The following FBXO8 variants were observed in gnomAD, a reference collection of about 807,000 sequenced individuals.
The protein encoded by FBXO8 is F-box protein 8, also known as F-box only protein 8.
In FBXO8, 15 loss-of-function variants were observed where a neutral mutation model predicts 33.4. The observed-to-expected ratio is 0.45, with a 90% CI of 0.30 to 0.69. FBXO8 has a LOEUF of 0.69. Among genes scored for constraint, FBXO8 ranks in the 30% least tolerant of loss-of-function variants. The probability of loss-of-function intolerance (pLI) is 0.08; values close to 1 mark genes in which losing one functional copy is unlikely to be tolerated. For missense variants in FBXO8, 274 were observed against 380.3 expected, an observed-to-expected ratio of 0.72 and a Z score of 2.32; for synonymous variants, 132 against 131.5, an observed-to-expected ratio of 1.00 and a Z score of -0.02.
intron 3 of FBXO8, among the ~76,000 whole-genome samples, chr4:174,246,923 A>G (rs1736173374): frequency 6.6e-6 from 1 of 152,050 alleles, no homozygotes; most frequent in Non-Finnish European, 1.5e-5. Flanking sequence ...GAAGATTTCT[A>G]TCAACAACGA....
At chr4:174,276,866 G>C (rs746224607) in intron 1 of FBXO8, among the ~76,000 whole-genome samples, 10 of 152,146 alleles carry the variant, frequency 6.6e-5, no homozygotes, top group African/African-American at 9.7e-5. Context: ...TTTCAAACAA[G>C]GTTCTGATCT....
intron 1 of FBXO8, among the ~76,000 whole-genome samples, chr4:174,279,239 A>G (rs1411630327): frequency 2.6e-5 from 4 of 152,104 alleles, no homozygotes; most frequent in African/African-American, 9.7e-5. Context: ...AAACAATCTG[A>G]AAAGGAAATT....
rs1736672048 is a variant in FBXO8 at position 174,265,429 on chromosome 4, A to G, written c.-8-2329T>C. Among the ~76,000 whole-genome samples the G allele has an allele frequency of 6.6e-6, 1 of 152,182 alleles. No homozygotes were observed. The highest frequency in any genetic ancestry group is 1.5e-5 in the Non-Finnish European group (1 of 68,002). On this transcript the variant is annotated intron_variant, in intron 1 of 5. Transcript: ENST00000393674. This position sits in a 1 kb window ranked among gnomAD's most constrained non-coding sequence, Gnocchi z 4.7. The stretch of plus-strand genomic sequence containing the variant: ...AGCAGTTTTGGTAATTAATTTTCAA[A>G]TCCTGTAAGCAACTACGATGTACTT...
Position 174,245,817 on chromosome 4 carries a change from C to CT in FBXO8, c.457-4600dup, listed in dbSNP as rs1384425743. On this transcript the variant is annotated intron_variant, in intron 3 of 5. Transcript: ENST00000393674. The surrounding 1 kb of genome is among the most constrained non-coding windows in gnomAD (Gnocchi z 4.6). The stretch of plus-strand genomic sequence containing the variant: ...GAAAATAACTTGATAAATATGCTGA[C>CT]TATCAAGCCATGTGACAGTGAAAAG... Among the ~76,000 whole-genome samples the CT allele has an allele frequency of 2.0e-5, 3 of 151,856 alleles. No individual in the cohort carries two copies. The highest frequency in any genetic ancestry group is 7.3e-5 in the African/African-American group (3 of 41,368).
chr4:174,272,269 C>G lies in FBXO8; in HGVS notation c.-8-9169G>C, dbSNP rs1736854099. Among the ~76,000 whole-genome samples, 1 of 152,158 alleles carries G rather than the reference C, an allele frequency of 6.6e-6. No homozygotes were observed. Among genetic ancestry groups the G allele is most frequent in the Non-Finnish European group, 1.5e-5 (1 of 68,010 alleles). On this transcript the variant is annotated intron_variant, in intron 1 of 5. Transcript: ENST00000393674. This position sits in a 1 kb window ranked among gnomAD's most constrained non-coding sequence, Gnocchi z 4.7. ...TGTCACCTCCCCCAGATACCAAAATCCATGAATGCTCAAGTCCCTTGTATA... is the reference window on the plus strand; with the variant it reads ...TGTCACCTCCCCCAGATACCAAAATGCATGAATGCTCAAGTCCCTTGTATA...
At chr4:174,271,369 A>G (rs533929993) in intron 1 of FBXO8, among the ~76,000 whole-genome samples, 24 of 152,214 alleles carry the variant, frequency 1.6e-4, no homozygotes, top group African/African-American at 5.8e-4. Context: ...CAAATGAGCA[A>G]AACAATGAGG....
At chr4:174,238,141 C>T (rs1438500266) in intron 5 of FBXO8, among the ~76,000 whole-genome samples, 1 of 151,882 alleles carries the variant, frequency 6.6e-6, no homozygotes, top group East Asian at 1.9e-4. Context: ...TATTAATATT[C>T]TCATTTAAGA....
In FBXO8 at chr4:174,245,144, A is replaced by G. The variant is rs1185030478; in HGVS notation, c.457-3926T>C. Among the ~76,000 whole-genome samples the G allele has an allele frequency of 6.6e-6, 1 of 151,856 alleles. No homozygotes were observed. The highest frequency in any genetic ancestry group is 1.5e-5 in the Non-Finnish European group (1 of 67,854). On this transcript the variant is annotated intron_variant, in intron 3 of 5. Transcript: ENST00000393674. This position sits in a 1 kb window ranked among gnomAD's most constrained non-coding sequence, Gnocchi z 4.6. The stretch of plus-strand genomic sequence containing the variant: ...GTAGTGTAACACAGAGTTTTGCCCT[A>G]AGAAAATTTAAAGTTTATCTGTGGC...
chr4:174,258,248 G>A (rs541461485), intron 3 of FBXO8, among the ~76,000 whole-genome samples: 1 of 152,222 alleles, frequency 6.6e-6, no homozygotes, highest in Admixed American at 6.5e-5. Flanking sequence ...TACATGGACA[G>A]TAACTGGGAT....
rs1249361820 is a variant in FBXO8, at chr4:174,251,028, A to C, written c.456+8671T>G. ...CAGATTTTTCATTAAAATGCACTTA[A>C]AAAGCTCAATGTACCACTGTAAAGT... On this transcript the variant is annotated intron_variant, in intron 3 of 5. Coordinates refer to ENST00000393674, the MANE Select transcript of FBXO8 (RefSeq NM_012180.3). The surrounding 1 kb of genome is among the most constrained non-coding windows in gnomAD (Gnocchi z 4.2). Among the ~76,000 whole-genome samples the C allele has an allele frequency of 6.6e-6, 1 of 152,166 alleles. No homozygotes were observed. The highest frequency in any genetic ancestry group is 2.4e-5 in the African/African-American group (1 of 41,448).
At chr4:174,271,345 G>C (rs114193629) in intron 1 of FBXO8, among the ~76,000 whole-genome samples, 5 of 152,288 alleles carry the variant, frequency 3.3e-5, no homozygotes, top group Non-Finnish European at 7.3e-5. Flanking sequence ...ACAAGGAAGA[G>C]AGAAATTCAG....
Position 174,251,179 on chromosome 4 carries a change from T to G in FBXO8, c.456+8520A>C, listed in dbSNP as rs1029070414. On this transcript the variant is annotated intron_variant, in intron 3 of 5. Coordinates refer to ENST00000393674, the MANE Select transcript of FBXO8 (RefSeq NM_012180.3). The surrounding 1 kb of genome is among the most constrained non-coding windows in gnomAD (Gnocchi z 4.2). ...ATCCTAGGATGAAGACATTTTCCAC[T>G]AATTTCAGTTTTTACCCTAGACAAT... 1.3e-5 allele frequency among the ~76,000 whole-genome samples: 2 copies of G among 152,166 alleles called. No individual in the cohort carries two copies. Among genetic ancestry groups the G allele is most frequent in the African/African-American group, 4.8e-5 (2 of 41,458 alleles).
intron 1 of FBXO8, among the ~76,000 whole-genome samples, chr4:174,279,105 T>C (rs767512059): frequency 6.6e-6 from 1 of 151,970 alleles, no homozygotes; most frequent in Non-Finnish European, 1.5e-5. Context: ...AAGAAAGCAG[T>C]AAAATCCTTT....
chr4:174,243,158 G>A (rs1015435334), intron 3 of FBXO8, among the ~76,000 whole-genome samples: 1 of 151,562 alleles, frequency 6.6e-6, no homozygotes, highest in East Asian at 1.9e-4. Flanking sequence ...TACACTGTTA[G>A]CCATATTCTG....
At position 174,263,002 on chromosome 4, in the gene FBXO8, T is replaced by C. The variant is rs758240091; in HGVS notation, c.91A>G (p.Arg31Gly). 8.1e-6 allele frequency: 13 copies of C among 1,613,960 alleles called. No individual in the cohort carries two copies. In the East Asian group the frequency reaches 2.7e-4, roughly 33 times the overall value. The change falls in exon 2 of 6, where the codon AGG becomes GGG. Residue 31 changes from arginine to glycine, a missense_variant. Arg to Gly is a moderately radical substitution (Grantham distance 125). Around this residue, in one of 2 missense-constraint regions of FBXO8, gnomAD observed 88 missense variants for 86.9 expected, o/e 1.01. Transcript: ENST00000393674. This position sits in a 1 kb window ranked among gnomAD's most constrained non-coding sequence, Gnocchi z 4.2. ...EQGYLTREQSRRMAASNISNT... is the reference protein window; with the variant it reads ...EQGYLTREQSGRMAASNISNT... The stretch of plus-strand genomic sequence containing the variant: ...GAAATGTTGCTCGCAGCCATTCTCC[T>C]GCTCTGCTCTCTGGTGAGGTAGCCT...
At chr4:174,273,521 G>A (rs1736887396) in intron 1 of FBXO8, among the ~76,000 whole-genome samples, 1 of 152,046 alleles carries the variant, frequency 6.6e-6, no homozygotes, top group African/African-American at 2.4e-5. Flanking sequence ...TAGTATCAAT[G>A]TTAAATTTCC....
rs984055940 is a variant in FBXO8 at position 174,274,294 on chromosome 4, G to A, written c.-9+9116C>T. On this transcript the variant is annotated intron_variant, in intron 1 of 5. Coordinates refer to ENST00000393674, the MANE Select transcript of FBXO8 (RefSeq NM_012180.3). This position sits in a 1 kb window ranked among gnomAD's most constrained non-coding sequence, Gnocchi z 4.0. ...TCATTCTTCTCATTAGTAAAATAAC[G>A]GATAATAATTCTTATTCCATGGGAC... is the stretch of plus-strand genomic sequence containing the variant. 3.9e-5 allele frequency among the ~76,000 whole-genome samples: 6 copies of A among 152,090 alleles called. No individual in the cohort carries two copies. The highest frequency in any genetic ancestry group is 6.5e-5 in the Admixed American group (1 of 15,274).
intron 3 of FBXO8, among the ~76,000 whole-genome samples, chr4:174,250,250 T>C (rs1425773108): frequency 6.6e-6 from 1 of 152,050 alleles, no homozygotes; most frequent in Non-Finnish European, 1.5e-5. Context: ...TTAATAAATA[T>C]TTGTTGAATG....
intron 1 of FBXO8, among the ~76,000 whole-genome samples, chr4:174,268,577 A>T (rs1217674649): frequency 6.7e-6 from 1 of 150,288 alleles, no homozygotes; most frequent in Admixed American, 6.7e-5. Flanking sequence ...CTGGGACTAC[A>T]GGCGCCTGCT....
Sources: allele counts gnomAD v4.1 joint callset (sites outside exome capture counted in the v4.1 genomes callset), GRCh38; gene constraint gnomAD v4.1.1; regional missense constraint gnomAD v4.1.1; non-coding constraint Gnocchi (gnomAD v3.1); transcripts MANE v1.5; gene names NCBI Gene and HGNC (gene_info 2026-07-23, HGNC 2026-07-21).